ZNF562: variants seen among roughly 807,000 people sequenced by gnomAD.
ZNF562 encodes zinc finger protein 562.
A neutral mutation model predicts 17.5 loss-of-function variants in ZNF562; 13 were observed. The ratio of observed to expected loss-of-function variants is 0.74; its 90% confidence interval spans 0.48 to 1.18. The LOEUF is 1.18. ZNF562 is among the 50% of genes most tolerant of loss of function. The probability of loss-of-function intolerance (pLI) is 0.00; values close to 1 mark genes in which losing one functional copy is unlikely to be tolerated. For missense variants in ZNF562, 481 were observed against 498.5 expected (o/e 0.96, Z 0.33); for synonymous variants, 163 against 165.4 (o/e 0.99, Z 0.11).
chr19:9,663,953 C>T (rs2043853981), intron 1 of ZNF562, among the ~76,000 whole-genome samples: 1 of 152,060 alleles, frequency 6.6e-6, no homozygotes, highest in African/African-American at 2.4e-5. Flanking sequence ...TGGGGTTTCA[C>T]AATGACAGCC....
chr19:9,656,105 A>AT (rs1284569613), intron 5 of ZNF562, among the ~76,000 whole-genome samples: 3 of 152,016 alleles, frequency 2.0e-5, no homozygotes, highest in Non-Finnish European at 4.4e-5. Context: ...TCAAATGATG[A>AT]TCCCACCTCA....
At chr19:9,669,309 C>CA (rs772295134) in intron 1 of ZNF562, among the ~76,000 whole-genome samples, 25 of 151,602 alleles carry the variant, frequency 1.6e-4, no homozygotes, top group South Asian at 4.2e-4. Context: ...AGATGTTTCT[C>CA]AAAAAAAAGA....
chr19:9,671,985 C>T (rs2044216465), intron 1 of ZNF562, among the ~76,000 whole-genome samples: 1 of 152,196 alleles, frequency 6.6e-6, no homozygotes, highest in African/African-American at 2.4e-5. Context: ...TGTTGTCAGC[C>T]TCTCCTCTGG....
Position 9,653,433 on chromosome 19 carries a change from C to A in ZNF562, c.797G>T (p.Gly266Val), listed in dbSNP as rs749067646. The A allele has an allele frequency of 3.7e-6, 6 of 1,614,154 alleles. No homozygotes were observed. Among genetic ancestry groups the A allele is most frequent in the Non-Finnish European group, 5.1e-6 (6 of 1,180,034 alleles). Residue 266 changes from glycine (G) to valine (V), a missense_variant, in exon 6 of 6, where the codon GGG (glycine) becomes GTG (valine). Around this residue, in one of 2 missense-constraint regions of ZNF562, gnomAD observed 403 missense variants for 386.4 expected, o/e 1.04. Coordinates refer to ENST00000453372, the MANE Select transcript of ZNF562 (RefSeq NM_001130031.2). ...GKKSEKTKNC[G>V]KSFTNFSQLS... ...TTGAGAAAAATTAGTGAAGGATTTC[C>A]CACAGTTCTTAGTCTTTTCGGATTT...
Position 9,646,764 on chromosome 19 carries a change from G to C in ZNF562, c.*6185C>G, listed in dbSNP as rs1485388498. On this transcript the variant is annotated 3_prime_UTR_variant, in exon 6 of 6. Coordinates refer to ENST00000453372, the MANE Select transcript of ZNF562 (RefSeq NM_001130031.2). ...TCTCAAAATACTTATGCAAGCCTTAGTTGTCTTTTTTTTTTTTTTTTTATG... is the reference window on the plus strand; with the variant it reads ...TCTCAAAATACTTATGCAAGCCTTACTTGTCTTTTTTTTTTTTTTTTTATG... 1 of 109,714 alleles carries C rather than the reference G, an allele frequency of 9.1e-6. No homozygotes were observed. The highest frequency in any genetic ancestry group is 1.9e-5 in the Non-Finnish European group (1 of 53,984). 6.8% of individuals were successfully genotyped at this position (109,714 alleles called of 1,614,324 possible).
intron 1 of ZNF562, among the ~76,000 whole-genome samples, chr19:9,661,327 T>A (rs768653055): frequency 7.2e-5 from 11 of 152,032 alleles, no homozygotes; most frequent in African/African-American, 1.2e-4. Flanking sequence ...TATATTATTA[T>A]TATTATTTTG....
rs546416097 is a variant in ZNF562, at chr19:9,649,137, A to G, written c.*3812T>C. The G allele has an allele frequency of 3.3e-5, 5 of 152,288 alleles. No individual in the cohort carries two copies. Among genetic ancestry groups the G allele is most frequent in the African/African-American group, 4.8e-5 (2 of 41,554 alleles). 9.4% of individuals were successfully genotyped at this position (152,288 alleles called of 1,614,324 possible). ...ATTTCTTATGCCTGTCTTTACTGCA[A>G]TCTCTAAACATAAATTGTAAAGATT... On this transcript the variant is annotated 3_prime_UTR_variant, in exon 6 of 6. Coordinates refer to ENST00000453372, the MANE Select transcript of ZNF562 (RefSeq NM_001130031.2).
In ZNF562 at chr19:9,660,797, G is replaced by T; in HGVS notation, c.-53C>A. 1 of 1,603,842 alleles carries T rather than the reference G, an allele frequency of 6.2e-7. No homozygotes were observed. Among genetic ancestry groups the T allele is most frequent in the Non-Finnish European group, 8.5e-7 (1 of 1,172,592 alleles). On this transcript the variant is annotated 5_prime_UTR_variant, in exon 2 of 6. Transcript: ENST00000453372. ...TCAATGCTGTCTTTCTTGATGCCAA[G>T]ATCGCCTCAGGGCAGCTTATGAATC... is the stretch of plus-strand genomic sequence containing the variant.
At chr19:9,668,632 A>C (rs1593001) in intron 1 of ZNF562, among the ~76,000 whole-genome samples, 45,639 of 152,044 alleles carry the variant, frequency 0.3, 8,462 homozygotes, top group African/African-American at 0.51. Flanking sequence ...TATATGCAAC[A>C]ATAAAAGACT....
Position 9,653,760 on chromosome 19 carries a change from C to G in ZNF562, c.470G>C (p.Cys157Ser). ...QNGGNTFEGNCYGKDSISVHK... is the reference protein window; with the variant it reads ...QNGGNTFEGNSYGKDSISVHK... ...CACACTGATGCTGTCTTTTCCATAACAATTACCCTCAAAAGTGTTCCCTCC... is the reference window on the plus strand; with the variant it reads ...CACACTGATGCTGTCTTTTCCATAAGAATTACCCTCAAAAGTGTTCCCTCC... The change falls in exon 6 of 6, where the codon TGT becomes TCT. Residue 157 changes from cysteine to serine, a missense_variant. Physicochemically the swap from Cys to Ser is moderately radical, Grantham distance 112 (BLOSUM62 -1). Around this residue, in one of 2 missense-constraint regions of ZNF562, gnomAD observed 403 missense variants for 386.4 expected, o/e 1.04. Coordinates refer to ENST00000453372, the MANE Select transcript of ZNF562 (RefSeq NM_001130031.2). The G allele has an allele frequency of 6.2e-7, 1 of 1,614,068 alleles. No individual in the cohort carries two copies. Among genetic ancestry groups the G allele is most frequent in the African/African-American group, 1.3e-5 (1 of 75,030 alleles).
At chr19:9,656,118 C>T (rs2043473976) in intron 5 of ZNF562, among the ~76,000 whole-genome samples, 1 of 152,156 alleles carries the variant, frequency 6.6e-6, no homozygotes, top group African/African-American at 2.4e-5. Context: ...CCACCTCAGC[C>T]TCCTAAGTAG....
chr19:9,653,354 T>G lies in ZNF562; in HGVS notation c.876A>C (p.Glu292Asp). 6.2e-7 allele frequency: 1 copy of G among 1,614,044 alleles called. No individual in the cohort carries two copies. The highest frequency in any genetic ancestry group is 2.2e-5 in the East Asian group (1 of 44,876). The change falls in exon 6 of 6, where the codon GAA becomes GAC. Residue 292 changes from glutamate (E) to aspartate (D), a missense_variant. Physicochemically the swap from Glu to Asp is conservative, Grantham distance 45. Around this residue, in one of 2 missense-constraint regions of ZNF562, gnomAD observed 403 missense variants for 386.4 expected, o/e 1.04. Transcript: ENST00000453372. Reference sequence around the variant, plus strand: ...AGGAATTTCTAAAGGATCTTCCACATTCTTTACATTCAAAGGACTTCTCTC... The same window carrying G: ...AGGAATTTCTAAAGGATCTTCCACAGTCTTTACATTCAAAGGACTTCTCTC... ...HKGEKSFECK[E>D]CGRSFRNSSS...
In ZNF562 at chr19:9,669,376, A is replaced by G. The variant is rs2044062224; in HGVS notation, c.-131+5639T>C. Among the ~76,000 whole-genome samples, 4 of 152,348 alleles carry G rather than the reference A, an allele frequency of 2.6e-5. No individual in the cohort carries two copies. In the South Asian group the frequency reaches 8.3e-4, roughly 32 times the overall value. On this transcript the variant is annotated intron_variant, in intron 1 of 5. Coordinates refer to ENST00000453372, the MANE Select transcript of ZNF562 (RefSeq NM_001130031.2). Reference sequence around the variant, plus strand: ...TGCTCAACATCACTAATCATCAGAGAAATACAAATCACACATAACCACAAT... The same window carrying G: ...TGCTCAACATCACTAATCATCAGAGGAATACAAATCACACATAACCACAAT...
rs2074806063 is a variant in ZNF562, at chr19:9,646,308, T to G, written c.*6641A>C. On this transcript the variant is annotated 3_prime_UTR_variant, in exon 6 of 6. Coordinates refer to ENST00000453372, the MANE Select transcript of ZNF562 (RefSeq NM_001130031.2). Reference sequence around the variant, plus strand: ...CTGGTCTCGAACTCCCGACCTCAGGTGATCACCTGCCTTGGCCTCCCAAAG... The same window carrying G: ...CTGGTCTCGAACTCCCGACCTCAGGGGATCACCTGCCTTGGCCTCCCAAAG... The G allele has an allele frequency of 6.6e-6, 1 of 152,128 alleles. No individual in the cohort carries two copies. 9.4% of individuals were successfully genotyped at this position (152,128 alleles called of 1,614,324 possible). A position where few individuals can be genotyped will look rare whatever the true frequency, so the allele number is the denominator to read the frequency against.
chr19:9,670,553 C>G (rs966580032), intron 1 of ZNF562, among the ~76,000 whole-genome samples: 7 of 152,080 alleles, frequency 4.6e-5, no homozygotes, highest in Non-Finnish European at 1.0e-4. Context: ...TGGAGGTCAT[C>G]ATGGAAGTGA....
chr19:9,641,986 G>A lies in ZNF562; in HGVS notation c.*10963C>T, dbSNP rs1337356739. ...TTACAAAGTACATTCTCAAGGGCGG[G>A]GAGGATGTTACAAAGTACATTCACA... On this transcript the variant is annotated 3_prime_UTR_variant, in exon 6 of 6. Coordinates refer to ENST00000453372, the MANE Select transcript of ZNF562 (RefSeq NM_001130031.2). 2.0e-5 allele frequency: 3 copies of A among 151,784 alleles called. No homozygotes were observed. The highest frequency in any genetic ancestry group is 4.4e-5 in the Non-Finnish European group (3 of 68,026). 9.4% of individuals were successfully genotyped at this position (151,784 alleles called of 1,614,324 possible).
chr19:9,663,597 G>C (rs1166842847), intron 1 of ZNF562, among the ~76,000 whole-genome samples: 1 of 151,602 alleles, frequency 6.6e-6, no homozygotes, highest in Non-Finnish European at 1.5e-5. Context: ...TTTGTTTTTT[G>C]AGACGGAGTC....
intron 3 of ZNF562, 45 bp downstream of exon 3, chr19:9,659,334 G>A (rs1568268658): frequency 6.7e-7 from 1 of 1,483,506 alleles, no homozygotes; most frequent in South Asian, 1.2e-5. Context: ...TCTACCTATT[G>A]GATGTAAGTA....
intron 1 of ZNF562, among the ~76,000 whole-genome samples, chr19:9,666,707 A>C (rs187817007): frequency 6.6e-6 from 1 of 152,094 alleles, no homozygotes; most frequent in Non-Finnish European, 1.5e-5. Context: ...CAGAACAGAA[A>C]CCACAGAAAT....
Sources: allele counts gnomAD v4.1 joint callset (sites outside exome capture counted in the v4.1 genomes callset), GRCh38; gene constraint gnomAD v4.1.1; regional missense constraint gnomAD v4.1.1; transcripts MANE v1.5; gene names NCBI Gene and HGNC (gene_info 2026-07-23, HGNC 2026-07-21).